Variants in DDX46 observed in about 807,000 individuals in gnomAD.
DDX46 encodes the protein DEAD-box helicase 46.
In DDX46, 30 loss-of-function variants were observed where a neutral mutation model predicts 134.9. That is an observed-to-expected ratio of 0.22 (90% CI 0.17 to 0.30). The LOEUF (loss-of-function observed/expected upper bound fraction) is 0.30. Among genes scored for constraint, DDX46 ranks in the 10% least tolerant of loss-of-function variants. The probability of loss-of-function intolerance (pLI) is 1.00; values close to 1 mark genes in which losing one functional copy is unlikely to be tolerated. For missense variants in DDX46, 622 were observed against 1,248.7 expected (o/e 0.50, Z 7.56); for synonymous variants, 415 against 404.1 (o/e 1.03, Z -0.32).
intron 3 of DDX46, among the ~76,000 whole-genome samples, chr5:134,767,621 C>T (rs13153639): frequency 6.6e-6 from 1 of 151,690 alleles, no homozygotes; most frequent in Non-Finnish European, 1.5e-5. Flanking sequence ...GATTACAGGC[C>T]TGAGCCACCG....
At chr5:134,770,456 C>T (rs1405362619) in intron 3 of DDX46, among the ~76,000 whole-genome samples, 1 of 151,472 alleles carries the variant, frequency 6.6e-6, no homozygotes, top group Non-Finnish European at 1.5e-5. Flanking sequence ...TCAATTGATC[C>T]TCCTGCCTTG....
At chr5:134,774,602 C>CCAATATATTAA in intron 5 of DDX46, among the ~76,000 whole-genome samples, 1 of 152,298 alleles carries the variant, frequency 6.6e-6, no homozygotes, top group South Asian at 2.1e-4. Flanking sequence ...TGGGCATAGC[C>CCAATATATTAA]AGTAAATAGT....
At chr5:134,818,720 A>T in intron 20 of DDX46, 140 bp from the exon 21 acceptor site, 1 of 498,810 alleles carries the variant, frequency 2.0e-6, no homozygotes, top group Non-Finnish European at 3.1e-6. Flanking sequence ...AAAAAAAAAA[A>T]GAATATATAT....
rs544555278 is a variant in DDX46, at chr5:134,810,056, G to C, written c.2149-1165G>C. On this transcript the variant is annotated intron_variant, in intron 16 of 22. Coordinates refer to ENST00000452510, the MANE Select transcript of DDX46 (RefSeq NM_001300860.2). The stretch of plus-strand genomic sequence containing the variant: ...AAAATCGCAACAGTTGACTGTTTGG[G>C]TCAGATTGTTTTTTTGGTTTTGTTT... Among the ~76,000 whole-genome samples the C allele has an allele frequency of 6.6e-5, 10 of 152,120 alleles. No homozygotes were observed. The East Asian group carries it at 1.8e-3, about 27-fold the overall frequency.
intron 11 of DDX46, 55 bp downstream of exon 11, chr5:134,785,641 C>A: frequency 1.9e-6 from 3 of 1,546,282 alleles, no homozygotes; most frequent in South Asian, 1.2e-5. Context: ...TTGGATGATT[C>A]AATAAAGTAA....
At chr5:134,799,165 C>T (rs529978156) in intron 15 of DDX46, among the ~76,000 whole-genome samples, 2 of 152,258 alleles carry the variant, frequency 1.3e-5, no homozygotes, top group South Asian at 4.1e-4. Context: ...GCGATGACTA[C>T]ATTTGTTTAT....
intron 21 of DDX46, among the ~76,000 whole-genome samples, chr5:134,819,942 A>G (rs1358406536): frequency 6.6e-6 from 1 of 151,848 alleles, no homozygotes; most frequent in Non-Finnish European, 1.5e-5. Flanking sequence ...TTTCCCCGAG[A>G]TGGAGTCTTG....
At chr5:134,769,726 T>C (rs758421428) in intron 3 of DDX46, among the ~76,000 whole-genome samples, 2 of 151,908 alleles carry the variant, frequency 1.3e-5, no homozygotes, top group Non-Finnish European at 2.9e-5. Context: ...TTTGTACTTT[T>C]AGTAGAGACA....
In DDX46 at chr5:134,808,015, G is replaced by T. The variant is rs138958055; in HGVS notation, c.2148+74G>T. The T allele has an allele frequency of 6.9e-4, 907 of 1,320,938 alleles. 4 individuals carry two copies. The African/African-American group carries it at 0.012, about 17-fold the overall frequency. 81.8% of individuals were successfully genotyped at this position (1,320,938 alleles called of 1,614,324 possible). ...TGTTTCTTTAGTATTTCAAGGAGTA[G>T]ATAATAGGAGTTATGGAGACATTTT... On this transcript the variant is annotated intron_variant, in intron 16 of 22. Transcript: ENST00000452510.
chr5:134,777,608 G>A lies in DDX46; in HGVS notation c.648G>A (p.Glu216=). Residue 216 remains glutamate, a synonymous_variant, in exon 6 of 23, where the codon GAG becomes GAA. Transcript: ENST00000452510. ...ATGATCCTGCAGAAGCTGAAAAGGA[G>A]GGAAATGAAATGGAGGGTGAGGAGT... ...DEDDPAEAEK[E]GNEMEGEELD... The A allele has an allele frequency of 6.2e-7, 1 of 1,613,442 alleles. No homozygotes were observed. The highest frequency in any genetic ancestry group is 1.1e-5 in the South Asian group (1 of 91,004).
At position 134,817,711 on chromosome 5, in the gene DDX46, A is replaced by G. The variant is rs181271137; in HGVS notation, c.2829A>G (p.Pro943=). The change falls in exon 20 of 23, where the codon CCA becomes CCG. Residue 943 remains proline, a synonymous_variant. Transcript: ENST00000452510. ...AAGAATTAGAGATCAATGACTTCCC[A>G]CAGGCAAGTAACAGGTTTAAACCTT... ...YEEELEINDF[P]QTARWKVTSK... is the part of the protein sequence containing the mutation. 7.9e-5 allele frequency: 127 copies of G among 1,613,502 alleles called. No individual in the cohort carries two copies. In the Middle Eastern group the frequency reaches 2.0e-3, roughly 25 times the overall value.
intron 6 of DDX46, chr5:134,780,651 G>A (rs1328262793): frequency 2.7e-5 from 4 of 150,608 alleles, no homozygotes; most frequent in Admixed American, 2.6e-4. Context: ...ATTATGAATG[G>A]ATGTATTATA....
At chr5:134,809,524 C>A (rs567491247) in intron 16 of DDX46, among the ~76,000 whole-genome samples, 2 of 151,926 alleles carry the variant, frequency 1.3e-5, no homozygotes, top group African/African-American at 4.8e-5. Context: ...TGTGCCACCA[C>A]GCCTGGCTAA....
At chr5:134,819,284 G>T (rs1041193799) in intron 21 of DDX46, among the ~76,000 whole-genome samples, 3 of 152,178 alleles carry the variant, frequency 2.0e-5, no homozygotes, top group Non-Finnish European at 2.9e-5. Flanking sequence ...TATGCTTCTA[G>T]TAAGTGGAAT....
chr5:134,764,257 A>G (rs1360320116), intron 2 of DDX46, among the ~76,000 whole-genome samples, 165 bp downstream of exon 2: 1 of 151,624 alleles, frequency 6.6e-6, no homozygotes, highest in African/African-American at 2.4e-5. Flanking sequence ...TGTGCCTACA[A>G]AGACTCTATC....
chr5:134,815,655 T>A (rs1434646317), intron 18 of DDX46, among the ~76,000 whole-genome samples: 2 of 127,736 alleles, frequency 1.6e-5, no homozygotes, highest in Non-Finnish European at 3.1e-5. Flanking sequence ...TGCAGTGAGC[T>A]GAGATGGCGC....
At chr5:134,828,180 C>T (rs957460581) in intron 22 of DDX46, among the ~76,000 whole-genome samples, 3 of 151,680 alleles carry the variant, frequency 2.0e-5, no homozygotes, top group Non-Finnish European at 4.4e-5. Context: ...TGAAAGGAAA[C>T]GTTGTCTTTT....
chr5:134,802,159 C>CTTTTTTTTT (rs542615882), intron 15 of DDX46, among the ~76,000 whole-genome samples: 6 of 73,282 alleles, frequency 8.2e-5, no homozygotes, highest in Admixed American at 1.6e-4. Flanking sequence ...TAATTTCTTT[C>CTTTTTTTTT]TTTTTTTTTT....
chr5:134,781,602 G>T (rs1193331396), intron 7 of DDX46, among the ~76,000 whole-genome samples: 1 of 152,074 alleles, frequency 6.6e-6, no homozygotes, highest in African/African-American at 2.4e-5. Context: ...TGTCTCTGAT[G>T]ATTACTGTTT....
Sources: gnomAD v4.1 joint callset for allele counts (sites outside exome capture counted in the v4.1 genomes callset) on GRCh38, gnomAD v4.1.1 for gene constraint, MANE v1.5 for transcripts, NCBI Gene and HGNC (gene_info 2026-07-23, HGNC 2026-07-21) for gene names.